HYCC1: variants seen among roughly 807,000 people sequenced by gnomAD.
HYCC1 encodes the protein hyccin PI4KA lipid kinase complex subunit 1.
the HYCC1 span, among the ~76,000 whole-genome samples, chr7:22,918,748 GAAC>G: frequency 5.3e-5 from 8 of 151,776 alleles, no homozygotes; most frequent in African/African-American, 9.7e-5. Flanking sequence ...GCCCGCAAGA[GAAC>G]AACCCCCTTT....
the HYCC1 span, among the ~76,000 whole-genome samples, chr7:22,951,966 G>A: frequency 6.6e-6 from 1 of 151,926 alleles, no homozygotes; most frequent in Admixed American, 6.6e-5. Flanking sequence ...CTATCATGTT[G>A]TTATACTGTT....
chr7:22,970,029 T>C, the HYCC1 span, among the ~76,000 whole-genome samples: 185 of 144,060 alleles, frequency 1.3e-3, 1 homozygote, highest in Middle Eastern at 0.029. Context: ...AAAAAAAAAT[T>C]TGCATGGCTC....
the HYCC1 span, among the ~76,000 whole-genome samples, chr7:22,980,274 GT>G: frequency 0.024 from 3,560 of 146,260 alleles, 141 homozygotes; most frequent in African/African-American, 0.082. Context: ...ATTTTTTAAT[GT>G]TTTTTTTTTT....
chr7:22,928,464 A>G, the HYCC1 span, among the ~76,000 whole-genome samples: 1 of 152,250 alleles, frequency 6.6e-6, no homozygotes, highest in Non-Finnish European at 1.5e-5. Context: ...AATCTCCTTA[A>G]GCTGATAAGC....
At chr7:22,903,422 G>T in the HYCC1 span, among the ~76,000 whole-genome samples, 3 of 152,150 alleles carry the variant, frequency 2.0e-5, no homozygotes, top group Non-Finnish European at 1.5e-5. Context: ...AGGATTGTGA[G>T]AGAATATTAT....
chr7:22,980,274 G>T, the HYCC1 span, among the ~76,000 whole-genome samples: 19 of 146,338 alleles, frequency 1.3e-4, no homozygotes, highest in Admixed American at 9.5e-4. Flanking sequence ...ATTTTTTAAT[G>T]TTTTTTTTTT....
chr7:22,924,544 A>C, the HYCC1 span, among the ~76,000 whole-genome samples: 1 of 152,226 alleles, frequency 6.6e-6, no homozygotes, highest in South Asian at 2.1e-4. Flanking sequence ...TATCCCGCAC[A>C]TGGCTCCGAG....
At chr7:22,945,786 C>G in the HYCC1 span, 1 of 1,613,808 alleles carries the variant, frequency 6.2e-7, no homozygotes, top group East Asian at 2.2e-5. Context: ...ACACCACTGA[C>G]TTGTTCAAAG....
chr7:23,008,305 A>G, the HYCC1 span, among the ~76,000 whole-genome samples: 4 of 152,100 alleles, frequency 2.6e-5, no homozygotes, highest in South Asian at 2.1e-4. Context: ...AATAGAATCA[A>G]TAAGTTTTAA....
At chr7:23,000,498 T>C in the HYCC1 span, among the ~76,000 whole-genome samples, 2 of 152,276 alleles carry the variant, frequency 1.3e-5, no homozygotes, top group East Asian at 3.9e-4. Context: ...TATATTTTGA[T>C]TTTAACATAA....
chr7:22,906,544 A>T, the HYCC1 span, among the ~76,000 whole-genome samples: 1 of 150,126 alleles, frequency 6.7e-6, no homozygotes, highest in African/African-American at 2.4e-5. Context: ...CGCCACTGCA[A>T]TCCAGCCTGG....
chr7:22,920,800 A>G, the HYCC1 span, among the ~76,000 whole-genome samples: 6 of 152,124 alleles, frequency 3.9e-5, no homozygotes, highest in Non-Finnish European at 7.4e-5. Context: ...GTGATTCTCA[A>G]TGTTGGAGGT....
the HYCC1 span, among the ~76,000 whole-genome samples, chr7:22,949,284 C>T: frequency 2.0e-5 from 3 of 152,000 alleles, no homozygotes; most frequent in African/African-American, 7.2e-5. Flanking sequence ...TTCCCATTTA[C>T]AGACAAGGAA....
chr7:22,974,778 A>C, the HYCC1 span, among the ~76,000 whole-genome samples: 1 of 152,154 alleles, frequency 6.6e-6, no homozygotes, highest in Non-Finnish European at 1.5e-5. Flanking sequence ...TAGCTCCCAT[A>C]ATCTCCACAT....
the HYCC1 span, among the ~76,000 whole-genome samples, chr7:22,947,409 G>C: frequency 6.6e-6 from 1 of 151,938 alleles, no homozygotes; most frequent in Non-Finnish European, 1.5e-5. Context: ...TACTCTGATA[G>C]CACCAGAGAC....
chr7:22,976,223 G>T, the HYCC1 span: 1 of 1,609,176 alleles, frequency 6.2e-7, no homozygotes. Context: ...GAACAAATTT[G>T]ACACAGTGAC....
chr7:22,974,440 T>C, the HYCC1 span, among the ~76,000 whole-genome samples: 1 of 152,194 alleles, frequency 6.6e-6, no homozygotes, highest in Non-Finnish European at 1.5e-5. Context: ...ATTTCTGCCT[T>C]TAAACAATTT....
chr7:23,013,140 A>G, the HYCC1 span, among the ~76,000 whole-genome samples: 2 of 152,238 alleles, frequency 1.3e-5, no homozygotes, highest in Admixed American at 6.5e-5. Context: ...CAGACAGCAA[A>G]TTTCGGGGAA....
At chr7:22,920,381 A>G in the HYCC1 span, among the ~76,000 whole-genome samples, 2 of 152,142 alleles carry the variant, frequency 1.3e-5, no homozygotes, top group Non-Finnish European at 2.9e-5. Context: ...GAAAATCTTG[A>G]AAGCAGGAAA....
Sources: gnomAD v4.1 joint callset for allele counts (sites outside exome capture counted in the v4.1 genomes callset) on GRCh38, gnomAD v4.1.1 for gene constraint, MANE v1.5 for transcripts, NCBI Gene and HGNC (gene_info 2026-07-23, HGNC 2026-07-21) for gene names.